Variants in ANKRD30B observed in about 807,000 individuals in gnomAD.
ANKRD30B encodes the protein ankyrin repeat domain-containing protein 30B.
ANKRD30B carries 144 observed loss-of-function variants against 202.2 expected under a neutral mutation model. The ratio of observed to expected loss-of-function variants is 0.71; its 90% CI spans 0.62 to 0.82. The LOEUF (loss-of-function observed/expected upper bound fraction) is 0.82. Ranked by LOEUF, ANKRD30B falls within the 40% of genes least tolerant of loss-of-function variation. The pLI is 0.00. For synonymous variants in ANKRD30B, 508 were observed against 561.3 expected (o/e 0.91, Z 1.34); for missense variants, 1,487 against 1,669.1 (o/e 0.89, Z 1.90).
chr18:14,836,923 C>T (rs1971200608), intron 34 of ANKRD30B, among the ~76,000 whole-genome samples: 2 of 151,988 alleles, frequency 1.3e-5, no homozygotes, highest in Non-Finnish European at 1.5e-5. Context: ...CTCCTTTGTG[C>T]CCTTATGTAT....
intron 24 of ANKRD30B, among the ~76,000 whole-genome samples, chr18:14,805,611 T>C (rs1969460809): frequency 6.6e-6 from 1 of 150,766 alleles, no homozygotes; most frequent in Non-Finnish European, 1.5e-5. Context: ...AGCTGAACTC[T>C]CATCCGAACT....
At chr18:14,792,072 G>T (rs1968549363) in intron 16 of ANKRD30B, among the ~76,000 whole-genome samples, 1 of 152,158 alleles carries the variant, frequency 6.6e-6, no homozygotes, top group East Asian at 1.9e-4. Flanking sequence ...GGCCACACAT[G>T]TATATAATTT....
chr18:14,933,730 C>T, the ANKRD30B span, among the ~76,000 whole-genome samples: 21 of 107,924 alleles, frequency 1.9e-4, no homozygotes, highest in Non-Finnish European at 3.4e-4. Context: ...GTGGCCACTA[C>T]GTGGGGAGAG....
chr18:14,760,727 C>CAT, intron 6 of ANKRD30B, 109 bp downstream of exon 6: 1 of 673,662 alleles, frequency 1.5e-6, no homozygotes, highest in East Asian at 3.0e-5. Flanking sequence ...CATGTGTTTA[C>CAT]ATATATACAT....
chr18:14,861,854 G>C, the ANKRD30B span, among the ~76,000 whole-genome samples: 1 of 152,002 alleles, frequency 6.6e-6, no homozygotes, highest in African/African-American at 2.4e-5. Flanking sequence ...TTTGCACATG[G>C]AACATTCTCT....
In ANKRD30B at chr18:14,852,116, A is replaced by G. The variant is rs1233586969; in HGVS notation, c.4172A>G (p.Gln1391Arg). ...EHAQRDRCET[Q>R]CQMKKAEHMY... ...GCACAAAGAGACCGATGTGAAACAC[A>G]GTGTCAAATGAAGAAAGCTGAACAC... The change falls in exon 42 of 44, where the codon CAG becomes CGG. Residue 1391 changes from glutamine (Q) to arginine (R), a missense_variant. Physicochemically the swap from Gln to Arg is conservative, Grantham distance 43. This residue lies in a region of ANKRD30B where 182 missense variants were observed against 216.0 expected (regional missense o/e 0.84). Coordinates refer to ENST00000690538, the MANE Select transcript of ANKRD30B (RefSeq NM_001367607.2). 3 of 1,605,274 alleles carry G rather than the reference A, an allele frequency of 1.9e-6. No individual in the cohort carries two copies. Among genetic ancestry groups the G allele is most frequent in the East Asian group, 4.5e-5 (2 of 44,078 alleles).
At chr18:14,762,170 G>T (rs1329534850) in intron 6 of ANKRD30B, among the ~76,000 whole-genome samples, 1 of 152,156 alleles carries the variant, frequency 6.6e-6, no homozygotes, top group Non-Finnish European at 1.5e-5. Flanking sequence ...GTCTGATAAG[G>T]AGAAGGCAGA....
intron 30 of ANKRD30B, among the ~76,000 whole-genome samples, chr18:14,820,795 G>A (rs1389751649): frequency 1.3e-5 from 2 of 152,146 alleles, no homozygotes; most frequent in African/African-American, 4.8e-5. Context: ...TTGCATCAAT[G>A]TTCATCAAGG....
the ANKRD30B span, among the ~76,000 whole-genome samples, chr18:14,900,284 C>G: frequency 1.3e-5 from 2 of 152,020 alleles, no homozygotes; most frequent in African/African-American, 4.8e-5. Context: ...TTAGATACTC[C>G]TTTCTCTTAT....
chr18:14,912,082 T>G, the ANKRD30B span, among the ~76,000 whole-genome samples: 4 of 152,196 alleles, frequency 2.6e-5, no homozygotes, highest in Admixed American at 2.6e-4. Flanking sequence ...ATAACTTGGC[T>G]TCCTCTTTTC....
intron 28 of ANKRD30B, among the ~76,000 whole-genome samples, chr18:14,811,503 G>T (rs1449835992): frequency 5.3e-5 from 8 of 150,074 alleles, no homozygotes; most frequent in Middle Eastern, 3.4e-3. Flanking sequence ...GAGCCACCGC[G>T]CCCGGCCCAG....
At chr18:14,850,949 T>C (rs1971857055) in intron 41 of ANKRD30B, among the ~76,000 whole-genome samples, 1 of 151,960 alleles carries the variant, frequency 6.6e-6, no homozygotes, top group South Asian at 2.1e-4. Context: ...AGAATTGTGA[T>C]AACTAAAAGT....
intron 28 of ANKRD30B, among the ~76,000 whole-genome samples, chr18:14,811,320 T>A (rs1449338933): frequency 6.6e-6 from 1 of 151,112 alleles, no homozygotes; most frequent in Non-Finnish European, 1.5e-5. Context: ...CACGCCATTC[T>A]CCTGCCTGGG....
the ANKRD30B span, among the ~76,000 whole-genome samples, chr18:14,898,609 T>C: frequency 6.6e-6 from 1 of 152,198 alleles, no homozygotes; most frequent in Non-Finnish European, 1.5e-5. Flanking sequence ...CAACATTATT[T>C]ATTAAACATT....
the ANKRD30B span, among the ~76,000 whole-genome samples, chr18:14,881,203 A>T: frequency 6.6e-6 from 1 of 152,142 alleles, no homozygotes; most frequent in Non-Finnish European, 1.5e-5. Flanking sequence ...CCCATTCAGT[A>T]TTATGTTGGC....
At chr18:14,837,398 A>C (rs1346738970) in intron 35 of ANKRD30B, 109 bp downstream of exon 35, 6 of 1,014,362 alleles carry the variant, frequency 5.9e-6, no homozygotes, top group Non-Finnish European at 7.0e-6. Context: ...ACAATTTTTT[A>C]GCCCAAAATA....
intron 1 of ANKRD30B, among the ~76,000 whole-genome samples, chr18:14,752,210 G>C (rs1913563647): frequency 6.6e-6 from 1 of 152,088 alleles, no homozygotes; most frequent in Non-Finnish European, 1.5e-5. Flanking sequence ...TTCTCAATGA[G>C]GCATCACAGT....
At chr18:14,872,809 T>C in the ANKRD30B span, among the ~76,000 whole-genome samples, 1 of 152,122 alleles carries the variant, frequency 6.6e-6, no homozygotes, top group East Asian at 1.9e-4. Flanking sequence ...ACAACTGGCA[T>C]GTTAGCCACA....
chr18:14,811,221 G>A (rs1410221505), intron 28 of ANKRD30B, among the ~76,000 whole-genome samples: 5 of 151,434 alleles, frequency 3.3e-5, no homozygotes, highest in South Asian at 4.2e-4. Context: ...TTGATATGGC[G>A]TCTCGCTGTC....
Sources: gnomAD v4.1 joint callset for allele counts (sites outside exome capture counted in the v4.1 genomes callset) on GRCh38, gnomAD v4.1.1 for gene constraint, gnomAD v4.1.1 regional missense constraint, MANE v1.5 for transcripts, NCBI Gene and HGNC (gene_info 2026-07-23, HGNC 2026-07-21) for gene names.